KTN1: variants seen among roughly 807,000 people sequenced by gnomAD.
KTN1 encodes the protein kinectin 1.
In KTN1, 130 loss-of-function variants were observed where a neutral mutation model predicts 222.5. The ratio of observed to expected loss-of-function variants is 0.58; its 90% CI spans 0.51 to 0.68. The LOEUF (loss-of-function observed/expected upper bound fraction) is 0.68, where lower values mean the gene tolerates loss of function less well. Among genes scored for constraint, KTN1 ranks in the 30% least tolerant of loss-of-function variants. The pLI is 0.00. For missense variants in KTN1, 1,508 were observed against 1,500.4 expected (o/e 1.01, Z -0.08); for synonymous variants, 512 against 496.3 (o/e 1.03, Z -0.42).
At position 55,648,932 on chromosome 14, in the gene KTN1, T is replaced by G. The variant is rs981262680; in HGVS notation, c.2367+62T>G. 4.2e-6 allele frequency: 5 copies of G among 1,194,534 alleles called. No individual in the cohort carries two copies. In the Admixed American group the frequency reaches 9.8e-5, roughly 23 times the overall value. The allele number at this position is 1,194,534 out of a possible 1,614,324, so 74.0% of individuals were successfully genotyped here. A position where few individuals can be genotyped will look rare whatever the true frequency, so the allele number is the denominator to read the frequency against. ...GTTTTTTGTTTGTTTGTTTGTTGTT[T>G]TTAAATTAAAAGAAACGGGGTCTTG... On this transcript the variant is annotated intron_variant, in intron 21 of 43. Coordinates refer to ENST00000395314, the MANE Select transcript of KTN1 (RefSeq NM_001079521.2).
At chr14:55,581,530 G>A (rs2031644035) in intron 1 of KTN1, among the ~76,000 whole-genome samples, 1 of 151,888 alleles carries the variant, frequency 6.6e-6, no homozygotes, top group Non-Finnish European at 1.5e-5. Context: ...CTGTTAAGGT[G>A]TGTGTGTGTG....
At chr14:55,637,703 T>G in intron 11 of KTN1, 76 bp from the exon 12 acceptor site, 1 of 976,778 alleles carries the variant, frequency 1.0e-6, no homozygotes, top group African/African-American at 1.6e-5. Context: ...CAAATGTACC[T>G]ATAATACATT....
intron 7 of KTN1, among the ~76,000 whole-genome samples, 194 bp downstream of exon 7, chr14:55,630,291 T>C (rs1251504573): frequency 6.6e-6 from 1 of 152,158 alleles, no homozygotes; most frequent in Non-Finnish European, 1.5e-5. Context: ...CAGATAAATA[T>C]GATGATAGAG....
chr14:55,674,549 A>G (rs2045731027), intron 40 of KTN1: 1 of 152,154 alleles, frequency 6.6e-6, no homozygotes, highest in Admixed American at 6.6e-5. Context: ...GACTGGTTCT[A>G]TGCTATGCAT....
At chr14:55,680,242 A>G (rs2046243631) in intron 43 of KTN1, 3 of 159,408 alleles carry the variant, frequency 1.9e-5, no homozygotes, top group Admixed American at 6.2e-5. Flanking sequence ...AGCTAAACCC[A>G]TAATTAACCA....
intron 1 of KTN1, among the ~76,000 whole-genome samples, chr14:55,609,750 T>C (rs1205269036): frequency 6.6e-6 from 1 of 152,214 alleles, no homozygotes; most frequent in East Asian, 1.9e-4. Flanking sequence ...CTATTACTGC[T>C]GCTAAGTGCC....
chr14:55,630,119 A>G, intron 7 of KTN1, 22 bp downstream of exon 7: 1 of 1,606,296 alleles, frequency 6.2e-7, no homozygotes, highest in Non-Finnish European at 8.5e-7. Context: ...TTCTTTGGAA[A>G]CAAGATGAAA....
At chr14:55,591,892 T>C (rs569955917) in intron 1 of KTN1, among the ~76,000 whole-genome samples, 2 of 152,330 alleles carry the variant, frequency 1.3e-5, no homozygotes, top group African/African-American at 4.8e-5. Context: ...TTCTGATTAA[T>C]GAGAGAAAAC....
At chr14:55,618,688 T>C (rs1594878679) in intron 4 of KTN1, among the ~76,000 whole-genome samples, 1 of 152,322 alleles carries the variant, frequency 6.6e-6, no homozygotes, top group African/African-American at 2.4e-5. Flanking sequence ...CATGGATTTT[T>C]AAAATGTCAG....
chr14:55,682,820 C>G (rs935082844), intron 43 of KTN1: 1 of 152,090 alleles, frequency 6.6e-6, no homozygotes, highest in African/African-American at 2.4e-5. Flanking sequence ...TCACTGATCC[C>G]TTTTGTCACT....
At chr14:55,608,836 A>G (rs1380786334) in intron 1 of KTN1, among the ~76,000 whole-genome samples, 1 of 151,692 alleles carries the variant, frequency 6.6e-6, no homozygotes, top group Non-Finnish European at 1.5e-5. Flanking sequence ...CACCATGTTG[A>G]TCAGACTGCT....
chr14:55,671,746 A>G (rs1595271500), intron 36 of KTN1, 39 bp from the exon 37 acceptor site: 3 of 1,549,314 alleles, frequency 1.9e-6, no homozygotes, highest in Middle Eastern at 1.7e-4. Flanking sequence ...TTGGCATTAG[A>G]ACATGAATTT....
At chr14:55,597,082 G>A (rs1428805027) in intron 1 of KTN1, among the ~76,000 whole-genome samples, 3 of 152,034 alleles carry the variant, frequency 2.0e-5, no homozygotes, top group Non-Finnish European at 4.4e-5. Context: ...AATCCAAAGG[G>A]AAGAACTCAC....
chr14:55,639,356 C>A (rs2041514535), intron 13 of KTN1, 134 bp downstream of exon 13: 42 of 419,910 alleles, frequency 1.0e-4, no homozygotes, highest in Non-Finnish European at 1.3e-4. Context: ...TTTGGAGCAA[C>A]TTTTGCTTTT....
rs750443029 is a variant in KTN1, at chr14:55,670,797, A to G, written c.3336A>G (p.Ser1112=). Residue 1112 remains serine, a synonymous_variant, in exon 35 of 44, where the codon TCA becomes TCG. Transcript: ENST00000395314. ...AKECMAGTSG[S]EEVKVLEHKL... ...AATGTATGGCTGGAACTTCAGGGTCAGAGGAGGTTAAGGTTAGTTCAGCAA... is the reference window on the plus strand; with the variant it reads ...AATGTATGGCTGGAACTTCAGGGTCGGAGGAGGTTAAGGTTAGTTCAGCAA... 5.6e-6 allele frequency: 9 copies of G among 1,607,786 alleles called. No individual in the cohort carries two copies. The highest frequency in any genetic ancestry group is 4.5e-5 in the East Asian group (2 of 44,674).
intron 41 of KTN1, among the ~76,000 whole-genome samples, chr14:55,677,333 C>T (rs991574593): frequency 1.2e-4 from 18 of 151,868 alleles, no homozygotes; most frequent in Non-Finnish European, 1.8e-4. Context: ...AAAAATTAGC[C>T]GGGTGTGGTG....
At chr14:55,615,106 C>T (rs751288920) in intron 2 of KTN1, among the ~76,000 whole-genome samples, 3 of 151,978 alleles carry the variant, frequency 2.0e-5, no homozygotes, top group Non-Finnish European at 2.9e-5. Context: ...CAAAGGATAC[C>T]GCAAAGGAAT....
intron 6 of KTN1, among the ~76,000 whole-genome samples, chr14:55,629,410 T>C (rs1464347999): frequency 8.7e-6 from 1 of 115,018 alleles, no homozygotes; most frequent in Non-Finnish European, 1.7e-5. Flanking sequence ...GGAGTGAGAC[T>C]CCGTCTCAAA....
intron 30 of KTN1, among the ~76,000 whole-genome samples, chr14:55,659,367 G>A (rs141756950): frequency 2.2e-5 from 3 of 133,628 alleles, no homozygotes; most frequent in African/African-American, 8.4e-5. Context: ...AATTTGAATT[G>A]TGCAGTTTGA....
Sources: gnomAD v4.1 joint callset for allele counts (sites outside exome capture counted in the v4.1 genomes callset) on GRCh38, gnomAD v4.1.1 for gene constraint, MANE v1.5 for transcripts, NCBI Gene and HGNC (gene_info 2026-07-23, HGNC 2026-07-21) for gene names.